The following CDCA8 variants were observed in gnomAD, a reference collection of about 807,000 sequenced individuals.
The protein encoded by CDCA8 is cell division cycle associated 8.
A neutral mutation model predicts 40.0 loss-of-function variants in CDCA8; 25 were observed. The observed-to-expected ratio is 0.63, with a 90% confidence interval of 0.46 to 0.87. CDCA8 has a LOEUF of 0.87. Ranked by LOEUF, CDCA8 falls within the 40% of genes least tolerant of loss-of-function variation. The pLI is 0.00. For synonymous variants in CDCA8, 111 were observed against 126.5 expected, an observed-to-expected ratio of 0.88 and a Z score of 0.82; for missense variants, 280 against 348.4, an observed-to-expected ratio of 0.80 and a Z score of 1.56.
Position 37,708,311 on chromosome 1 carries a change from TTTC to T in CDCA8, c.799-8_799-6del, listed in dbSNP as rs145033890. The T allele has an allele frequency of 0.22, 346,698 of 1,610,346 alleles. 45,565 individuals carry two copies. The highest frequency in any genetic ancestry group is 0.67 in the East Asian group (30,142 of 44,790). ...CATCTTCTACAATGACCTCTCTCCT[TTTC>T]TTTTTAGAACCGTCTCGCCCAAATC... On this transcript the variant is annotated splice_region_variant and splice_polypyrimidine_tract_variant and intron_variant, in intron 9 of 9. Transcript: ENST00000373055.
Position 37,700,568 on chromosome 1 carries a change from CAAATACAAATGCATAA to C in CDCA8, c.423+50_423+65del, listed in dbSNP as rs771868828. On this transcript the variant is annotated intron_variant, in intron 5 of 9. Transcript: ENST00000373055. Reference sequence around the variant, plus strand: ...AGGCTGGGGGTTATCACAAGACAAGCAAATACAAATGCATAAAATACACTGTTGTACACCAGAGCTC... The same window carrying C: ...AGGCTGGGGGTTATCACAAGACAAGCAATACACTGTTGTACACCAGAGCTC... 59 of 1,066,996 alleles carry C rather than the reference CAAATACAAATGCATAA, an allele frequency of 5.5e-5. No homozygotes were observed. In the South Asian group the frequency reaches 6.1e-4, roughly 11 times the overall value. 66.1% of individuals were successfully genotyped at this position (1,066,996 alleles called of 1,614,324 possible). A position where few individuals can be genotyped will look rare whatever the true frequency, so the allele number is the denominator to read the frequency against.
rs1645475468 is a variant in CDCA8, at chr1:37,692,661, C to T, written c.-30C>T. 1 of 1,586,478 alleles carries T rather than the reference C, an allele frequency of 6.3e-7. No individual in the cohort carries two copies. The highest frequency in any genetic ancestry group is 8.6e-7 in the Non-Finnish European group (1 of 1,158,820). On this transcript the variant is annotated 5_prime_UTR_variant, in exon 1 of 10. Coordinates refer to ENST00000373055, the MANE Select transcript of CDCA8 (RefSeq NM_001256875.2). ...GTTTCTTGCTTCCCTGCCCCATCTC[C>T]GCCGCTCCCCGCAGCCTCCGCCGAG...
chr1:37,703,148 C>G (rs1279133596), intron 6 of CDCA8, 104 bp from the exon 7 acceptor site: 1 of 875,942 alleles, frequency 1.1e-6, no homozygotes, highest in Non-Finnish European at 1.9e-6. Context: ...GTGCGAGGCG[C>G]CCGGAGCAGT....
Position 37,698,959 on chromosome 1 carries a change from C to A in CDCA8, c.319C>A (p.Pro107Thr). The A allele has an allele frequency of 6.2e-7, 1 of 1,612,600 alleles. No individual in the cohort carries two copies. Among genetic ancestry groups the A allele is most frequent in the Non-Finnish European group, 8.5e-7 (1 of 1,178,646 alleles). The change falls in exon 4 of 10, where the codon CCC becomes ACC. Residue 107 changes from proline (P) to threonine (T), a missense_variant. Coordinates refer to ENST00000373055, the MANE Select transcript of CDCA8 (RefSeq NM_001256875.2). ...NKLTAEAIQT[P>T]LKSAKTRKVI... is the part of the protein sequence containing the mutation. ...ACTAACAGCAGAAGCTATTCAGACA[C>A]CCCTGAAATCTGCCAAAAGTGAGTA...
chr1:37,700,392 T>C (rs770171200), intron 4 of CDCA8, 44 bp from the exon 5 acceptor site: 7 of 1,192,358 alleles, frequency 5.9e-6, no homozygotes, highest in Non-Finnish European at 8.7e-6. Context: ...CACAAAACTT[T>C]ATTTTCATCA....
Position 37,696,006 on chromosome 1 carries a change from C to T in CDCA8, c.264+56C>T, listed in dbSNP as rs1281421859. 4.4e-5 allele frequency: 64 copies of T among 1,451,194 alleles called. No homozygotes were observed. Among genetic ancestry groups the T allele is most frequent in the Non-Finnish European group, 6.1e-5 (63 of 1,033,568 alleles). The allele number at this position is 1,451,194 out of a possible 1,614,324, so 89.9% of individuals were successfully genotyped here. On this transcript the variant is annotated intron_variant, in intron 3 of 9. Coordinates refer to ENST00000373055, the MANE Select transcript of CDCA8 (RefSeq NM_001256875.2). This position sits in a 1 kb window ranked among gnomAD's most constrained non-coding sequence, Gnocchi z 5.0. ...GGTTACTTAAGTCTAGTCCAGTCCCCAGATCCAACTAATAGATGCTTACTG... is the reference window on the plus strand; with the variant it reads ...GGTTACTTAAGTCTAGTCCAGTCCCTAGATCCAACTAATAGATGCTTACTG...
intron 5 of CDCA8, among the ~76,000 whole-genome samples, chr1:37,700,809 G>A (rs1025478638): frequency 6.6e-5 from 10 of 152,184 alleles, no homozygotes; most frequent in African/African-American, 2.4e-4. Flanking sequence ...GGATAGATGG[G>A]GGAGGCGGAA....
chr1:37,696,988 A>T lies in CDCA8; in HGVS notation c.264+1038A>T, dbSNP rs1028642320. On this transcript the variant is annotated intron_variant, in intron 3 of 9. Coordinates refer to ENST00000373055, the MANE Select transcript of CDCA8 (RefSeq NM_001256875.2). This position sits in a 1 kb window ranked among gnomAD's most constrained non-coding sequence, Gnocchi z 5.0. The stretch of plus-strand genomic sequence containing the variant: ...ATGTTTTAAAAGAGTTACCTCTGAG[A>T]TGAATTATGCTTACTAGCTAATGCA... 6.6e-6 allele frequency among the ~76,000 whole-genome samples: 1 copy of T among 152,254 alleles called. No individual in the cohort carries two copies. The highest frequency in any genetic ancestry group is 1.5e-5 in the Non-Finnish European group (1 of 68,048).
Position 37,692,575 on chromosome 1 carries a change from G to C in CDCA8, c.-116G>C, listed in dbSNP as rs558135909. 1.8e-4 allele frequency: 145 copies of C among 784,676 alleles called. No homozygotes were observed. The highest frequency in any genetic ancestry group is 4.8e-4 in the Admixed American group (23 of 47,914). The allele number at this position is 784,676 out of a possible 1,614,324, so 48.6% of individuals were successfully genotyped here. On this transcript the variant is annotated 5_prime_UTR_variant, in exon 1 of 10. Coordinates refer to ENST00000373055, the MANE Select transcript of CDCA8 (RefSeq NM_001256875.2). ...TTTGCTCAGCCCTTGTCTCGGGACC[G>C]CAGGTACGTGCCTGGCGACTTCTTC...
At position 37,692,607 on chromosome 1, in the gene CDCA8, T is replaced by A. The variant is rs1233917274; in HGVS notation, c.-84T>A. 3 of 1,107,132 alleles carry A rather than the reference T, an allele frequency of 2.7e-6. No individual in the cohort carries two copies. The highest frequency in any genetic ancestry group is 4.0e-6 in the Non-Finnish European group (3 of 742,194). 68.6% of individuals were successfully genotyped at this position (1,107,132 alleles called of 1,614,324 possible). A position where few individuals can be genotyped will look rare whatever the true frequency, so the allele number is the denominator to read the frequency against. On this transcript the variant is annotated 5_prime_UTR_variant, in exon 1 of 10. Coordinates refer to ENST00000373055, the MANE Select transcript of CDCA8 (RefSeq NM_001256875.2). ...CGTGCCTGGCGACTTCTTCGGGTGG[T>A]CCCCGTCCGCCCTCCTCGTCCCTAC...
At chr1:37,695,616 G>A (rs1298923078) in intron 2 of CDCA8, among the ~76,000 whole-genome samples, 1 of 151,984 alleles carries the variant, frequency 6.6e-6, no homozygotes, top group Non-Finnish European at 1.5e-5. Context: ...TTTTTAAAAA[G>A]AAAAATAAGC....
intron 8 of CDCA8, 109 bp downstream of exon 8, chr1:37,705,676 G>A: frequency 1.5e-6 from 2 of 1,294,514 alleles, no homozygotes; most frequent in Non-Finnish European, 2.2e-6. Flanking sequence ...CAGTGCGTGG[G>A]TCCTGATCTC....
At chr1:37,700,063 AG>A in intron 4 of CDCA8, among the ~76,000 whole-genome samples, 1 of 152,356 alleles carries the variant, frequency 6.6e-6, no homozygotes, top group Middle Eastern at 3.4e-3. Flanking sequence ...GAATCGGATC[AG>A]GATGAATTGT....
rs549936422 is a variant in CDCA8 at position 37,709,272 on chromosome 1, T to G, written c.*906T>G. ...AGTGGTCCCTGCCAAGTCTGTAGAC[T>G]TCAGAGAGCACTTCTCTCTTATGGG... On this transcript the variant is annotated 3_prime_UTR_variant, in exon 10 of 10. Transcript: ENST00000373055. 6.6e-6 allele frequency: 1 copy of G among 152,254 alleles called. No individual in the cohort carries two copies. Among genetic ancestry groups the G allele is most frequent in the Non-Finnish European group, 1.5e-5 (1 of 68,074 alleles). 9.4% of individuals were successfully genotyped at this position (152,254 alleles called of 1,614,324 possible). A position where few individuals can be genotyped will look rare whatever the true frequency, so the allele number is the denominator to read the frequency against.
At chr1:37,695,985 A>T in intron 3 of CDCA8, 35 bp downstream of exon 3, 1 of 1,601,044 alleles carries the variant, frequency 6.2e-7, no homozygotes, top group Non-Finnish European at 8.6e-7. Context: ...GCCAGTGGTT[A>T]CTTAAGTCTA....
chr1:37,705,450 G>C lies in CDCA8; in HGVS notation c.594G>C (p.Lys198Asn). The change falls in exon 8 of 10, where the codon AAG (lysine) becomes AAC (asparagine). Residue 198 changes from lysine to asparagine, a missense_variant. Coordinates refer to ENST00000373055, the MANE Select transcript of CDCA8 (RefSeq NM_001256875.2). Reference sequence around the variant, plus strand: ...GATTTTCCCATTCTAGGGTCTTCAAGACCCCTGGCCTGCGTACTCCAGCAG... The same window carrying C: ...GATTTTCCCATTCTAGGGTCTTCAACACCCCTGGCCTGCGTACTCCAGCAG... ...LTPRFDSRVF[K>N]TPGLRTPAAG... 1 of 1,613,894 alleles carries C rather than the reference G, an allele frequency of 6.2e-7. No individual in the cohort carries two copies. The highest frequency in any genetic ancestry group is 1.3e-5 in the African/African-American group (1 of 75,016).
chr1:37,702,214 T>G (rs1039783903), intron 6 of CDCA8, among the ~76,000 whole-genome samples: 5 of 151,998 alleles, frequency 3.3e-5, no homozygotes, highest in Non-Finnish European at 7.4e-5. Context: ...TAATTTTGTA[T>G]TTTTAGTAGA....
chr1:37,704,197 T>C (rs116357002), intron 7 of CDCA8, among the ~76,000 whole-genome samples: 4,694 of 152,100 alleles, frequency 0.031, 111 homozygotes, highest in Middle Eastern at 0.051. Flanking sequence ...GGCCTTCCAA[T>C]GTACTGGGAT....
rs1462039577 is a variant in CDCA8 at position 37,708,541 on chromosome 1, G to T, written c.*175G>T. 6.3e-6 allele frequency: 4 copies of T among 632,598 alleles called. No homozygotes were observed. The highest frequency in any genetic ancestry group is 1.1e-5 in the Non-Finnish European group (4 of 352,656). 39.2% of individuals were successfully genotyped at this position (632,598 alleles called of 1,614,324 possible). A position where few individuals can be genotyped will look rare whatever the true frequency, so the allele number is the denominator to read the frequency against. On this transcript the variant is annotated 3_prime_UTR_variant, in exon 10 of 10. Transcript: ENST00000373055. ...CCACACCAGTTAGGTAGAGCTGTCT[G>T]TTCACCCTCCCATCCCAGCTGATCC...
Sources: gnomAD v4.1 joint callset for allele counts (sites outside exome capture counted in the v4.1 genomes callset) on GRCh38, gnomAD v4.1.1 for gene constraint, Gnocchi (gnomAD v3.1) non-coding constraint, MANE v1.5 for transcripts, NCBI Gene and HGNC (gene_info 2026-07-23, HGNC 2026-07-21) for gene names.